Variants in NEBL observed in about 807,000 individuals in gnomAD.
NEBL encodes the protein nebulette.
NEBL carries 122 observed loss-of-function variants against 140.2 expected under a neutral mutation model. That is an observed-to-expected ratio of 0.87 (90% CI 0.75 to 1.01). The LOEUF is 1.01. Ranked by LOEUF, NEBL falls within the 50% of genes least tolerant of loss-of-function variation. The probability of loss-of-function intolerance (pLI) is 0.00; values close to 1 mark genes in which losing one functional copy is unlikely to be tolerated. For synonymous variants in NEBL, 436 were observed against 398.9 expected (o/e 1.09, Z -1.11); for missense variants, 1,365 against 1,231.3 (o/e 1.11, Z -1.62).
chr10:21,190,505 A>C (rs1366004814), intron 3 of NEBL, among the ~76,000 whole-genome samples: 1 of 151,976 alleles, frequency 6.6e-6, no homozygotes, highest in African/African-American at 2.4e-5. Context: ...CAACCAAAAA[A>C]CCATCCTGGA....
intron 4 of NEBL, among the ~76,000 whole-genome samples, chr10:20,961,344 T>C (rs569069323): frequency 2.0e-5 from 3 of 152,308 alleles, no homozygotes; most frequent in Non-Finnish European, 4.4e-5. Flanking sequence ...CTTATATGTA[T>C]ATTTTATATG....
intron 7 of NEBL, among the ~76,000 whole-genome samples, chr10:20,865,374 C>G (rs1477112188): frequency 1.3e-5 from 2 of 152,288 alleles, no homozygotes; most frequent in South Asian, 2.1e-4. Flanking sequence ...GCTGTCATCC[C>G]TATTTTACAA....
intron 3 of NEBL, among the ~76,000 whole-genome samples, chr10:20,972,627 G>A (rs2131640662): frequency 6.6e-6 from 1 of 152,086 alleles, no homozygotes; most frequent in East Asian, 1.9e-4. Context: ...CGCACCTGTA[G>A]TCTCAGCTAC....
chr10:21,174,003 C>A (rs1841210507), exon 1 of NEBL: 2 of 1,178,652 alleles, frequency 1.7e-6, no homozygotes, highest in Admixed American at 4.7e-5. Context: ...GGGAGGGCGA[C>A]GGGGCCTGGC....
At position 20,812,772 on chromosome 10, in the gene NEBL, CAAT is replaced by C. The variant is rs773357557; in HGVS notation, c.2512_2514del (p.Ile838del). The C allele has an allele frequency of 6.8e-6, 11 of 1,613,934 alleles. No individual in the cohort carries two copies. The highest frequency in any genetic ancestry group is 3.3e-5 in the Admixed American group (2 of 60,006). ...CCGACAAACGCCGTCAGCTTACCAA[CAAT>C]GATTCCAGGTCTCCTGTCCATCTCC... is the stretch of plus-strand genomic sequence containing the variant. On this transcript the variant is annotated inframe_deletion, in exon 24 of 28. Transcript: ENST00000377122.
At chr10:20,932,449 G>T (rs1036859752) in intron 4 of NEBL, among the ~76,000 whole-genome samples, 23 of 152,108 alleles carry the variant, frequency 1.5e-4, no homozygotes, top group African/African-American at 5.6e-4. Flanking sequence ...GGGAGGGAGA[G>T]CATTAGGACA....
intron 12 of NEBL, among the ~76,000 whole-genome samples, chr10:20,842,233 T>C (rs551644146): frequency 1.3e-3 from 191 of 152,224 alleles, no homozygotes; most frequent in African/African-American, 4.4e-3. Flanking sequence ...AATTTTGGAA[T>C]GATCTGAGTC....
At chr10:21,185,871 C>T (rs1054195528) in intron 3 of NEBL, among the ~76,000 whole-genome samples, 5 of 152,062 alleles carry the variant, frequency 3.3e-5, no homozygotes, top group Non-Finnish European at 7.4e-5. Flanking sequence ...TTTATGCAAT[C>T]GATTTTGCTA....
chr10:21,041,945 G>A (rs1005355052), intron 2 of NEBL, among the ~76,000 whole-genome samples: 1 of 152,130 alleles, frequency 6.6e-6, no homozygotes, highest in African/African-American at 2.4e-5. Context: ...ATTATAATTG[G>A]CATACAATGA....
chr10:20,802,159 T>C (rs183764229), intron 26 of NEBL, among the ~76,000 whole-genome samples: 78 of 152,238 alleles, frequency 5.1e-4, no homozygotes, highest in African/African-American at 1.9e-3. Context: ...ATACTTTCAA[T>C]ACCAGAAAAC....
chr10:21,099,174 C>A (rs1044085860), intron 2 of NEBL, among the ~76,000 whole-genome samples: 6 of 152,256 alleles, frequency 3.9e-5, no homozygotes, highest in East Asian at 1.9e-4. Context: ...AGCATATATA[C>A]CTTTTTCATA....
chr10:20,923,305 C>T (rs559614307), intron 4 of NEBL, among the ~76,000 whole-genome samples: 7 of 152,056 alleles, frequency 4.6e-5, no homozygotes, highest in Non-Finnish European at 1.0e-4. Flanking sequence ...TGGGCTCAAG[C>T]AATCTGCCTG....
chr10:20,881,060 A>G (rs1845970045), intron 4 of NEBL, among the ~76,000 whole-genome samples, 156 bp from the exon 5 acceptor site: 1 of 152,186 alleles, frequency 6.6e-6, no homozygotes, highest in Non-Finnish European at 1.5e-5. Flanking sequence ...CAATGCATTC[A>G]TCTTTATGCT....
Position 20,845,190 on chromosome 10 carries a change from G to C in NEBL, c.1227+68C>G. 3 of 1,000,708 alleles carry C rather than the reference G, an allele frequency of 3.0e-6. 1 individual carries two copies. The highest frequency in any genetic ancestry group is 4.7e-6 in the Non-Finnish European group (3 of 640,658). The allele number at this position is 1,000,708 out of a possible 1,614,324, so 62.0% of individuals were successfully genotyped here. A position where few individuals can be genotyped will look rare whatever the true frequency, so the allele number is the denominator to read the frequency against. Reference sequence around the variant, plus strand: ...AAACACTGAATTAGTAGAGAATTAGGTAAACATTTCCTGGGTTTTTTCTTT... The same window carrying C: ...AAACACTGAATTAGTAGAGAATTAGCTAAACATTTCCTGGGTTTTTTCTTT... On this transcript the variant is annotated intron_variant, in intron 12 of 27. Coordinates refer to ENST00000377122, the MANE Select transcript of NEBL (RefSeq NM_006393.3).
At chr10:21,104,761 T>G (rs1837632986) in intron 2 of NEBL, among the ~76,000 whole-genome samples, 1 of 152,224 alleles carries the variant, frequency 6.6e-6, no homozygotes, top group African/African-American at 2.4e-5. Context: ...TCCAGTACTA[T>G]GTTAAATAGA....
At chr10:21,008,682 T>C (rs1176819327) in intron 3 of NEBL, among the ~76,000 whole-genome samples, 1 of 152,110 alleles carries the variant, frequency 6.6e-6, no homozygotes, top group Non-Finnish European at 1.5e-5. Flanking sequence ...GAAAACCCGC[T>C]GGTGGGAATG....
chr10:21,122,214 C>T (rs527875378), intron 2 of NEBL, among the ~76,000 whole-genome samples: 2 of 152,048 alleles, frequency 1.3e-5, no homozygotes, highest in African/African-American at 4.8e-5. Context: ...TTAATAGAGA[C>T]AGGGTTTCAC....
intron 1 of NEBL, among the ~76,000 whole-genome samples, chr10:21,276,381 C>T (rs1365689895): frequency 6.6e-6 from 1 of 152,200 alleles, no homozygotes. Context: ...CACCACAACC[C>T]TCCACCCACC....
intron 4 of NEBL, among the ~76,000 whole-genome samples, chr10:20,936,827 C>G (rs1020545094): frequency 2.0e-5 from 3 of 152,208 alleles, no homozygotes; most frequent in Non-Finnish European, 2.9e-5. Flanking sequence ...TTGAACATCT[C>G]CCACCTTATG....
Sources: gnomAD v4.1 joint callset for allele counts (sites outside exome capture counted in the v4.1 genomes callset) on GRCh38, gnomAD v4.1.1 for gene constraint, MANE v1.5 for transcripts, NCBI Gene and HGNC (gene_info 2026-07-23, HGNC 2026-07-21) for gene names.